USP36: variants seen among roughly 807,000 people sequenced by gnomAD.
USP36 encodes ubiquitin specific peptidase 36, also known as ubiquitin carboxyl-terminal hydrolase 36.
A neutral mutation model predicts 111.5 loss-of-function variants in USP36; 59 were observed. The ratio of observed to expected loss-of-function variants is 0.53; its 90% CI spans 0.43 to 0.66. USP36 has a LOEUF of 0.66. Among genes scored for constraint, USP36 ranks in the 30% least tolerant of loss-of-function variants. USP36 has a pLI of 0.00. For synonymous variants in USP36, 628 were observed against 581.0 expected (o/e 1.08, Z -1.16); for missense variants, 1,488 against 1,468.0 (o/e 1.01, Z -0.22).
intron 4 of USP36, among the ~76,000 whole-genome samples, chr17:78,830,566 C>T (rs2067992035): frequency 6.6e-6 from 1 of 152,208 alleles, no homozygotes; most frequent in South Asian, 2.1e-4. Context: ...TTCAAATCTG[C>T]TAGATACTGT....
At chr17:78,825,667 C>G (rs1416195862) in intron 6 of USP36, among the ~76,000 whole-genome samples, 1 of 152,212 alleles carries the variant, frequency 6.6e-6, no homozygotes, top group Non-Finnish European at 1.5e-5. Context: ...CTACTCCTCA[C>G]GAATTTCTTC....
intron 3 of USP36, among the ~76,000 whole-genome samples, chr17:78,835,810 G>A (rs1233218880): frequency 1.3e-5 from 2 of 152,158 alleles, no homozygotes; most frequent in East Asian, 3.9e-4. Flanking sequence ...GTGCCCACAT[G>A]CAGCCCACCC....
chr17:78,825,745 A>G (rs1567959023), intron 6 of USP36, among the ~76,000 whole-genome samples: 1 of 152,164 alleles, frequency 6.6e-6, no homozygotes, highest in Non-Finnish European at 1.5e-5. Flanking sequence ...AGAGCGCTCC[A>G]GGTGGCTGCA....
intron 8 of USP36, 86 bp downstream of exon 8, chr17:78,820,904 CT>C (rs1386358409): frequency 2.1e-6 from 3 of 1,395,504 alleles, no homozygotes; most frequent in Non-Finnish European, 3.0e-6. Context: ...CTATTTTGAT[CT>C]GATGCCTTTA....
chr17:78,833,268 G>A, intron 4 of USP36, among the ~76,000 whole-genome samples: 1 of 152,086 alleles, frequency 6.6e-6, no homozygotes, highest in East Asian at 1.9e-4. Context: ...CCACTGCATG[G>A]CCATCTTGTG....
At chr17:78,826,921 T>A (rs28483679) in intron 6 of USP36, 1 of 595,644 alleles carries the variant, frequency 1.7e-6, no homozygotes, top group African/African-American at 1.9e-5. Context: ...TGGTAAGAAC[T>A]GAATGCCCCT....
chr17:78,809,784 G>T (rs1462843616), intron 13 of USP36, among the ~76,000 whole-genome samples: 2 of 152,036 alleles, frequency 1.3e-5, no homozygotes, highest in Admixed American at 1.3e-4. Flanking sequence ...CACCACACCT[G>T]GCTAATTTTT....
At chr17:78,830,405 C>T (rs1482591495) in intron 4 of USP36, among the ~76,000 whole-genome samples, 1 of 152,206 alleles carries the variant, frequency 6.6e-6, no homozygotes, top group Non-Finnish European at 1.5e-5. Context: ...TATGTATCCA[C>T]CACTAACACA....
intron 6 of USP36, among the ~76,000 whole-genome samples, chr17:78,822,490 C>T (rs1015661080): frequency 6.6e-6 from 1 of 150,534 alleles, no homozygotes; most frequent in African/African-American, 2.4e-5. Context: ...GGAACAAAGG[C>T]ACAAACAGGA....
intron 13 of USP36, among the ~76,000 whole-genome samples, chr17:78,809,449 A>G (rs2093995801): frequency 1.3e-5 from 2 of 152,158 alleles, no homozygotes; most frequent in Admixed American, 1.3e-4. Flanking sequence ...GCACCATGTC[A>G]TTTAGAGTAA....
chr17:78,836,411 A>T, intron 2 of USP36, 39 bp from the exon 3 acceptor site: 1 of 1,593,768 alleles, frequency 6.3e-7, no homozygotes, highest in Non-Finnish European at 8.6e-7. Flanking sequence ...ATAGATAACG[A>T]AATCCCGGGA....
At chr17:78,799,044 T>C in intron 18 of USP36, 21 bp from the exon 19 acceptor site, 2 of 1,611,182 alleles carry the variant, frequency 1.2e-6, no homozygotes, top group Non-Finnish European at 1.7e-6. Flanking sequence ...GACACGGGGG[T>C]CAGCACGAGT....
At chr17:78,817,021 T>C (rs528043575) in intron 10 of USP36, among the ~76,000 whole-genome samples, 1 of 152,356 alleles carries the variant, frequency 6.6e-6, no homozygotes, top group South Asian at 2.1e-4. Flanking sequence ...TTTTGGTCAA[T>C]GACAGACCAC....
intron 10 of USP36, among the ~76,000 whole-genome samples, chr17:78,817,483 GGTGGCTCATGCCT>G (rs1486260227): frequency 1.3e-5 from 2 of 152,120 alleles, no homozygotes; most frequent in Non-Finnish European, 2.9e-5. Flanking sequence ...TACTGGGCAC[GGTGGCTCATGCCT>G]GTTATCCCAG....
chr17:78,794,694 CG>C (rs2093608667), downstream of USP36, among the ~76,000 whole-genome samples: 6 of 152,192 alleles, frequency 3.9e-5, no homozygotes, highest in South Asian at 1.2e-3. Context: ...GAGGCCAAGA[CG>C]GGCAGATCAC....
At chr17:78,808,915 A>G (rs141280149) in intron 13 of USP36, among the ~76,000 whole-genome samples, 45 of 152,250 alleles carry the variant, frequency 3.0e-4, no homozygotes, top group African/African-American at 1.0e-3. Flanking sequence ...TTTTCTGGAA[A>G]TGGAATTACA....
rs77261246 is a variant in USP36, at chr17:78,802,378, C to T, written c.2968G>A (p.Glu990Lys). The change falls in exon 17 of 21, where the codon GAG (glutamate) becomes AAG (lysine). Residue 990 changes from glutamate to lysine, a missense_variant. Around this residue, in one of 3 missense-constraint regions of USP36, gnomAD observed 1,073 missense variants for 994.1 expected, o/e 1.08. Transcript: ENST00000449938. ...SAKPQDAVVP[E>K]SSSCAPSANG... Reference sequence around the variant, plus strand: ...GCGGATGGTGCGCAGCTGCTGGACTCGGGGACAACAGCATCTTGGGGCTTG... The same window carrying T: ...GCGGATGGTGCGCAGCTGCTGGACTTGGGGACAACAGCATCTTGGGGCTTG... 3,861 of 1,606,758 alleles carry T rather than the reference C, an allele frequency of 2.4e-3. 86 individuals are homozygous for T. The African/African-American group carries it at 0.045, about 19-fold the overall frequency.
Position 78,827,353 on chromosome 17 carries a change from A to ATG in USP36, c.587-7_587-6insCA. ...GCGGAAGTGTCGGGCGATCTCTAAA[A>ATG]GAGGAAGAAACAGGGAGGGAAGAGC... On this transcript the variant is annotated splice_polypyrimidine_tract_variant and splice_region_variant and intron_variant, in intron 5 of 20. Transcript: ENST00000449938. 6.2e-7 allele frequency: 1 copy of ATG among 1,607,402 alleles called. No homozygotes were observed. Among genetic ancestry groups the ATG allele is most frequent in the Non-Finnish European group, 8.5e-7 (1 of 1,175,358 alleles).
At chr17:78,811,152 AAAAG>A (rs2094043976) in intron 13 of USP36, among the ~76,000 whole-genome samples, 1 of 121,168 alleles carries the variant, frequency 8.3e-6, no homozygotes, top group Non-Finnish European at 1.9e-5. Context: ...AAAAAAAAAA[AAAAG>A]AAACAGTCAT....
Sources: gnomAD v4.1 joint callset for allele counts (sites outside exome capture counted in the v4.1 genomes callset) on GRCh38, gnomAD v4.1.1 for gene constraint, gnomAD v4.1.1 regional missense constraint, MANE v1.5 for transcripts, NCBI Gene and HGNC (gene_info 2026-07-23, HGNC 2026-07-21) for gene names.